The following TNIK variants were observed in gnomAD, a reference collection of about 807,000 sequenced individuals.
TNIK encodes TRAF2 and NCK-interacting protein kinase.
In TNIK, 49 loss-of-function variants were observed where a neutral mutation model predicts 191.3. The observed-to-expected ratio is 0.26, with a 90% confidence interval of 0.20 to 0.32. TNIK has a LOEUF of 0.32. Among genes scored for constraint, TNIK ranks in the 10% least tolerant of loss-of-function variants. TNIK has a pLI of 1.00. For missense variants in TNIK, 1,155 were observed against 1,702.3 expected, an observed-to-expected ratio of 0.68 and a Z score of 5.66; for synonymous variants, 594 against 600.9, an observed-to-expected ratio of 0.99 and a Z score of 0.17.
At chr3:171,160,570 A>C (rs73169793) in intron 11 of TNIK, among the ~76,000 whole-genome samples, 14,227 of 151,674 alleles carry the variant, frequency 0.094, 942 homozygotes, top group African/African-American at 0.18. Flanking sequence ...CCTTGACTCA[A>C]CAAGCTGAAT....
chr3:171,343,223 G>C (rs1332389688), intron 2 of TNIK, among the ~76,000 whole-genome samples: 1 of 152,156 alleles, frequency 6.6e-6, no homozygotes, highest in African/African-American at 2.4e-5. Context: ...GTTTACAGTA[G>C]AGAAACCTGA....
intron 5 of TNIK, 147 bp from the exon 6 acceptor site, chr3:171,190,934 G>T: frequency 1.7e-6 from 1 of 579,372 alleles, no homozygotes; most frequent in Non-Finnish European, 3.0e-6. Flanking sequence ...TGCTCATAGT[G>T]CTCTTCTAAC....
chr3:171,315,619 A>G (rs981758115), intron 2 of TNIK, among the ~76,000 whole-genome samples: 4 of 152,162 alleles, frequency 2.6e-5, no homozygotes, highest in African/African-American at 7.2e-5. Flanking sequence ...TCAAGGTGTC[A>G]TTGGGAGTTG....
At chr3:171,078,621 G>A (rs994946150) in intron 28 of TNIK, among the ~76,000 whole-genome samples, 12 of 150,834 alleles carry the variant, frequency 8.0e-5, no homozygotes, top group African/African-American at 2.4e-4. Context: ...TTCTTCTAAC[G>A]TCCTTTCTTT....
At chr3:171,137,565 C>T (rs909090145) in intron 15 of TNIK, among the ~76,000 whole-genome samples, 4 of 152,166 alleles carry the variant, frequency 2.6e-5, no homozygotes, top group Non-Finnish European at 1.5e-5. Context: ...CCCATCCAAG[C>T]AGTTTTTATT....
chr3:171,368,797 A>G (rs1433395771), intron 2 of TNIK, among the ~76,000 whole-genome samples: 2 of 152,132 alleles, frequency 1.3e-5, no homozygotes, highest in African/African-American at 4.8e-5. Context: ...GCCATCCCAT[A>G]TCGCTGCCAC....
chr3:171,344,374 T>G (rs1427054023), intron 2 of TNIK, among the ~76,000 whole-genome samples: 1 of 152,170 alleles, frequency 6.6e-6, no homozygotes, highest in Non-Finnish European at 1.5e-5. Context: ...AAGAAAGTCT[T>G]GCTTCTTTGT....
intron 12 of TNIK, among the ~76,000 whole-genome samples, chr3:171,150,039 T>C (rs1318944364): frequency 6.6e-6 from 1 of 152,008 alleles, no homozygotes; most frequent in Non-Finnish European, 1.5e-5. Flanking sequence ...GGGAGTGTGG[T>C]CCAGTGGGTA....
intron 9 of TNIK, among the ~76,000 whole-genome samples, chr3:171,172,700 C>T (rs1006070428): frequency 2.0e-5 from 3 of 152,166 alleles, no homozygotes; most frequent in African/African-American, 7.2e-5. Flanking sequence ...TCCCCGGTCT[C>T]TCTCTAGCAA....
intron 7 of TNIK, among the ~76,000 whole-genome samples, chr3:171,180,694 C>T (rs1054022963): frequency 4.6e-5 from 7 of 152,208 alleles, no homozygotes; most frequent in African/African-American, 2.4e-5. Context: ...ATGACTTACC[C>T]AAGATCAAAG....
Position 171,194,389 on chromosome 3 carries a change from T to C in TNIK, c.417+136A>G, listed in dbSNP as rs9834620. On this transcript the variant is annotated intron_variant, in intron 5 of 32. Transcript: ENST00000436636. ...CCACTACCACCACCACCACCACTGA[T>C]AGGATAAACTTTTAAAGGGTTTTTG... The C allele has an allele frequency of 2.6e-3, 1,998 of 754,642 alleles. 35 individuals carry two copies. In the African/African-American group the frequency reaches 0.03, roughly 11 times the overall value. 46.7% of individuals were successfully genotyped at this position (754,642 alleles called of 1,614,324 possible). A position where few individuals can be genotyped will look rare whatever the true frequency, so the allele number is the denominator to read the frequency against.
At chr3:171,244,074 T>G (rs2109051187) in intron 2 of TNIK, among the ~76,000 whole-genome samples, 1 of 151,294 alleles carries the variant, frequency 6.6e-6, no homozygotes, top group East Asian at 1.9e-4. Flanking sequence ...TTTTTTTTTT[T>G]TTTTAAGACA....
At chr3:171,422,191 A>G (rs1029911218) in intron 1 of TNIK, among the ~76,000 whole-genome samples, 1 of 152,202 alleles carries the variant, frequency 6.6e-6, no homozygotes. Context: ...TGACTAAACC[A>G]TTGGATAGAT....
At chr3:171,263,950 A>G (rs747326665) in intron 2 of TNIK, among the ~76,000 whole-genome samples, 31 of 152,100 alleles carry the variant, frequency 2.0e-4, no homozygotes, top group Non-Finnish European at 3.8e-4. Flanking sequence ...CTGTAAAGCT[A>G]GAGAGGTAAA....
At position 171,420,882 on chromosome 3, in the gene TNIK, G is replaced by T. The variant is rs533211185; in HGVS notation, c.57+39125C>A. ...TACACTAGACAAGGGCCTGATTCAC[G>T]TCCTGGGCAGACAGAGTGGGACAGC... On this transcript the variant is annotated intron_variant, in intron 1 of 32. Coordinates refer to ENST00000436636, the MANE Select transcript of TNIK (RefSeq NM_015028.4). 3.9e-5 allele frequency among the ~76,000 whole-genome samples: 6 copies of T among 152,290 alleles called. No individual in the cohort carries two copies. The South Asian group carries it at 1.2e-3, about 32-fold the overall frequency.
At position 171,107,888 on chromosome 3, in the gene TNIK, C is replaced by A. The variant is rs542571077; in HGVS notation, c.2382+177G>T. On this transcript the variant is annotated intron_variant, in intron 20 of 32. Transcript: ENST00000436636. ...ATAGCCAAAGGCAGAGGAGTCAATC[C>A]AAGATCTCTTCGGTTCTTTCCTAAT... The A allele has an allele frequency of 2.2e-4, 121 of 541,150 alleles. 1 individual carries two copies. Among genetic ancestry groups the A allele is most frequent in the African/African-American group, 2.2e-3 (112 of 51,476 alleles). 33.5% of individuals were successfully genotyped at this position (541,150 alleles called of 1,614,324 possible). A position where few individuals can be genotyped will look rare whatever the true frequency, so the allele number is the denominator to read the frequency against.
chr3:171,177,163 A>G (rs963795328), intron 8 of TNIK, among the ~76,000 whole-genome samples, 163 bp downstream of exon 8: 2 of 150,168 alleles, frequency 1.3e-5, no homozygotes, highest in African/African-American at 4.9e-5. Flanking sequence ...AAATGAATGG[A>G]TTCCTGGTTG....
chr3:171,459,925 A>ACCCCCC, intron 1 of TNIK, 82 bp downstream of exon 1: 2 of 494,220 alleles, frequency 4.0e-6, no homozygotes, highest in Non-Finnish European at 3.8e-6. Flanking sequence ...CCCCTGCCCC[A>ACCCCCC]GCCCCAGCCC....
chr3:171,227,039 G>A (rs575509131), intron 3 of TNIK, among the ~76,000 whole-genome samples: 2 of 152,108 alleles, frequency 1.3e-5, no homozygotes, highest in African/African-American at 4.8e-5. Context: ...TGGGCTGAAT[G>A]GAAGACTTTG....
Sources: gnomAD v4.1 joint callset for allele counts (sites outside exome capture counted in the v4.1 genomes callset) on GRCh38, gnomAD v4.1.1 for gene constraint, MANE v1.5 for transcripts, NCBI Gene and HGNC (gene_info 2026-07-23, HGNC 2026-07-21) for gene names.